Variants in IQSEC1 observed in about 807,000 individuals in gnomAD.
The protein encoded by IQSEC1 is IQ motif and SEC7 domain-containing protein 1.
A neutral mutation model predicts 91.0 loss-of-function variants in IQSEC1; 31 were observed. The ratio of observed to expected loss-of-function variants is 0.34; its 90% CI spans 0.26 to 0.46. IQSEC1 has a LOEUF of 0.46. IQSEC1 is among the 20% of genes least tolerant of loss of function. The pLI is 1.00. For missense variants in IQSEC1, 1,388 were observed against 1,575.6 expected (o/e 0.88, Z 2.02); for synonymous variants, 699 against 662.6 (o/e 1.05, Z -0.84).
Position 12,979,623 on chromosome 3 carries a change from A to G in IQSEC1, c.24-37758T>C, listed in dbSNP as rs757128903. Among the ~76,000 whole-genome samples the G allele has an allele frequency of 6.6e-6, 1 of 152,242 alleles. No individual in the cohort carries two copies. Among genetic ancestry groups the G allele is most frequent in the Non-Finnish European group, 1.5e-5 (1 of 68,046 alleles). On this transcript the variant is annotated intron_variant, in intron 1 of 13. Coordinates refer to ENST00000613206, the MANE Select transcript of IQSEC1 (RefSeq NM_001134382.3). This position sits in a 1 kb window ranked among gnomAD's most constrained non-coding sequence, Gnocchi z 4.3. Reference sequence around the variant, plus strand: ...CTTCTGTATGTTTAACTGTTGAACCATGACTGTATTACTCCCTATATAATC... The same window carrying G: ...CTTCTGTATGTTTAACTGTTGAACCGTGACTGTATTACTCCCTATATAATC...
At chr3:13,251,644 G>C (rs1336249060) in intron 1 of IQSEC1, among the ~76,000 whole-genome samples, 1 of 152,166 alleles carries the variant, frequency 6.6e-6, no homozygotes, top group Non-Finnish European at 1.5e-5. Context: ...CCTGGCCAAG[G>C]GGTACAAAGG....
intron 2 of IQSEC1, among the ~76,000 whole-genome samples, chr3:13,132,795 C>T (rs59796999): frequency 0.018 from 2,705 of 152,228 alleles, 81 homozygotes; most frequent in African/African-American, 0.062. Flanking sequence ...GAATACTGAA[C>T]GGATTTTGTT....
chr3:13,270,825 CCAAT>C (rs537066369), intron 1 of IQSEC1, among the ~76,000 whole-genome samples: 196 of 152,230 alleles, frequency 1.3e-3, no homozygotes, highest in African/African-American at 4.2e-3. Flanking sequence ...ATTAAACACT[CCAAT>C]CAAAAGGCAA....
chr3:13,002,309 T>C (rs1455288716), intron 1 of IQSEC1, among the ~76,000 whole-genome samples: 2 of 152,164 alleles, frequency 1.3e-5, no homozygotes, highest in East Asian at 1.9e-4. Context: ...ACCAAAAGCA[T>C]AAGCAAGAGA....
chr3:13,073,497 CGCCGGACCA>C (rs1705503840), upstream of IQSEC1, among the ~76,000 whole-genome samples: 2 of 152,294 alleles, frequency 1.3e-5, no homozygotes, highest in Non-Finnish European at 2.9e-5. Context: ...AGTGCGGCCG[CGCCGGACCA>C]ATCGCCGAGG....
At chr3:13,277,667 C>T (rs367663606) in intron 1 of IQSEC1, among the ~76,000 whole-genome samples, 3 of 152,198 alleles carry the variant, frequency 2.0e-5, no homozygotes, top group Non-Finnish European at 4.4e-5. Context: ...GGGACTTCCT[C>T]CCCAGCACTG....
In IQSEC1 at chr3:12,932,040, G is replaced by T. The variant is rs919835787; in HGVS notation, c.1568+3408C>A. ...AGGATGCTCTTGCAGAGGTGGGAGA[G>T]GTCTGGTGTGGCTCACCTGTGACAT... On this transcript the variant is annotated intron_variant, in intron 3 of 13. Coordinates refer to ENST00000613206, the MANE Select transcript of IQSEC1 (RefSeq NM_001134382.3). Among the ~76,000 whole-genome samples the T allele has an allele frequency of 2.0e-5, 3 of 152,262 alleles. No individual in the cohort carries two copies. In the East Asian group the frequency reaches 5.8e-4, roughly 29 times the overall value.
At chr3:13,248,548 C>A (rs903697792) in intron 1 of IQSEC1, among the ~76,000 whole-genome samples, 1 of 152,222 alleles carries the variant, frequency 6.6e-6, no homozygotes, top group Admixed American at 6.5e-5. Context: ...CCACACCATC[C>A]CCTTCTCCAG....
chr3:13,073,661 C>A (rs903904283), upstream of IQSEC1, among the ~76,000 whole-genome samples: 7 of 152,244 alleles, frequency 4.6e-5, no homozygotes, highest in Non-Finnish European at 8.8e-5. Flanking sequence ...AAAATGCACG[C>A]GCCGCGCGGA....
rs886835210 is a variant in IQSEC1, at chr3:12,899,502, G to A, written c.*1481C>T. The A allele has an allele frequency of 7.5e-5, 118 of 1,566,826 alleles. No homozygotes were observed. The highest frequency in any genetic ancestry group is 4.6e-4 in the South Asian group (40 of 86,506). On this transcript the variant is annotated 3_prime_UTR_variant, in exon 14 of 14. Coordinates refer to ENST00000613206, the MANE Select transcript of IQSEC1 (RefSeq NM_001134382.3). ...GCGTGCAGGTCTGGCCCTGGGGAGC[G>A]CATGGTGTCACCACAACACAGAAGC...
rs747329812 is a variant in IQSEC1, at chr3:12,936,276, C to T, written c.740G>A (p.Arg247His). 8.1e-6 allele frequency: 13 copies of T among 1,613,302 alleles called. No individual in the cohort carries two copies. The highest frequency in any genetic ancestry group is 4.4e-5 in the South Asian group (4 of 91,052). Residue 247 changes from arginine (R) to histidine (H), a missense_variant, in exon 3 of 14, where the codon CGC becomes CAC. Physicochemically the swap from Arg to His is conservative, Grantham distance 29. Transcript: ENST00000613206. ...AESIDDALNC[R>H]SLHTEEAPAL... is the part of the protein sequence containing the mutation. The stretch of plus-strand genomic sequence containing the variant: ...CGGTGCCTCCTCAGTGTGCAGGCTG[C>T]GGCAGTTGAGGGCATCGTCGATGGA...
chr3:13,217,309 CT>C (rs1694568794), intron 1 of IQSEC1, among the ~76,000 whole-genome samples: 1 of 152,236 alleles, frequency 6.6e-6, no homozygotes, highest in Non-Finnish European at 1.5e-5. Flanking sequence ...CACTAATCTA[CT>C]TCTATCTCTA....
chr3:13,147,861 G>A (rs946256680), intron 2 of IQSEC1, among the ~76,000 whole-genome samples: 1 of 152,224 alleles, frequency 6.6e-6, no homozygotes, highest in African/African-American at 2.4e-5. Context: ...TCGAACTCCT[G>A]ACCTCAGGTG....
chr3:12,923,325 TG>T (rs1696806590), intron 4 of IQSEC1, among the ~76,000 whole-genome samples: 2 of 151,306 alleles, frequency 1.3e-5, no homozygotes, highest in South Asian at 2.1e-4. Flanking sequence ...GGGATGGGGG[TG>T]GGAGCTGGGC....
rs754280926 is a variant in IQSEC1, at chr3:12,935,940, C to G, written c.1076G>C (p.Arg359Pro). The part of the protein sequence containing the change: ...PSLERQEQRL[R>P]VEHLPLLTIE... ...GGTGAGCAGCGGCAGATGCTCCACC[C>G]GCAGCCGCTGCTCCTGCCGCTCCAG... The change falls in exon 3 of 14, where the codon CGG becomes CCG. Residue 359 changes from arginine to proline, a missense_variant. By Grantham distance (103) the Arg-to-Pro change is moderately radical. Around this residue, in one of 2 missense-constraint regions of IQSEC1, gnomAD observed 1,059 missense variants for 1,317.8 expected, o/e 0.80. Transcript: ENST00000613206. This position sits in a 1 kb window ranked among gnomAD's most constrained non-coding sequence, Gnocchi z 8.0. 1.3e-6 allele frequency: 2 copies of G among 1,598,558 alleles called. No individual in the cohort carries two copies. Among genetic ancestry groups the G allele is most frequent in the Non-Finnish European group, 1.7e-6 (2 of 1,179,360 alleles).
intron 6 of IQSEC1, among the ~76,000 whole-genome samples, chr3:12,916,232 C>T (rs563662671): frequency 6.6e-6 from 1 of 152,312 alleles, no homozygotes; most frequent in South Asian, 2.1e-4. Flanking sequence ...TCTAAAACAC[C>T]TTGCCCACAG....
At chr3:13,180,454 G>A (rs375038514) in intron 1 of IQSEC1, among the ~76,000 whole-genome samples, 2 of 151,980 alleles carry the variant, frequency 1.3e-5, no homozygotes, top group African/African-American at 2.4e-5. Context: ...ACCAATCAGC[G>A]CCCTGTCAAA....
At chr3:13,191,377 C>T (rs1465886489) in intron 1 of IQSEC1, among the ~76,000 whole-genome samples, 2 of 152,154 alleles carry the variant, frequency 1.3e-5, no homozygotes, top group Admixed American at 6.5e-5. Flanking sequence ...TCTGTGAACC[C>T]CAGGGAAAAC....
At chr3:13,017,698 C>G (rs931273040) in intron 1 of IQSEC1, among the ~76,000 whole-genome samples, 1 of 152,108 alleles carries the variant, frequency 6.6e-6, no homozygotes, top group Non-Finnish European at 1.5e-5. Context: ...AGACTCGATG[C>G]AGGGAGAGGG....
Sources: gnomAD v4.1 joint callset for allele counts (sites outside exome capture counted in the v4.1 genomes callset) on GRCh38, gnomAD v4.1.1 for gene constraint, gnomAD v4.1.1 regional missense constraint, Gnocchi (gnomAD v3.1) non-coding constraint, MANE v1.5 for transcripts, NCBI Gene and HGNC (gene_info 2026-07-23, HGNC 2026-07-21) for gene names.